The following SV2B variants were observed in gnomAD, a reference collection of about 807,000 sequenced individuals.
The protein encoded by SV2B is synaptic vesicle glycoprotein 2B.
A neutral mutation model predicts 73.9 loss-of-function variants in SV2B; 41 were observed. The observed-to-expected ratio is 0.56, with a 90% CI of 0.43 to 0.72. The LOEUF is 0.72. Ranked by LOEUF, SV2B falls within the 30% of genes least tolerant of loss-of-function variation. The probability of loss-of-function intolerance (pLI) is 0.00; values close to 1 mark genes in which losing one functional copy is unlikely to be tolerated. For missense variants in SV2B, 764 were observed against 857.8 expected, an observed-to-expected ratio of 0.89 and a Z score of 1.37; for synonymous variants, 314 against 314.2, an observed-to-expected ratio of 1.00 and a Z score of 0.01.
chr15:91,254,368 C>A (rs143919303), intron 4 of SV2B, among the ~76,000 whole-genome samples: 1 of 151,926 alleles, frequency 6.6e-6, no homozygotes, highest in African/African-American at 2.4e-5. Flanking sequence ...ACCCAAGTAG[C>A]TGGGATTACA....
At position 91,295,404 on chromosome 15, in the gene SV2B, C is replaced by G. The variant is rs137865001; in HGVS notation, c.*2852C>G. ...CATTAAAACTAAATAATAAAAATAACTGTAAGAAAACCTTAAGGACTGGGG... is the reference window on the plus strand; with the variant it reads ...CATTAAAACTAAATAATAAAAATAAGTGTAAGAAAACCTTAAGGACTGGGG... On this transcript the variant is annotated 3_prime_UTR_variant, in exon 13 of 13. Transcript: ENST00000394232. 1 of 152,198 alleles carries G rather than the reference C, an allele frequency of 6.6e-6. No individual in the cohort carries two copies. Among genetic ancestry groups the G allele is most frequent in the African/African-American group, 2.4e-5 (1 of 41,442 alleles). The allele number at this position is 152,198 out of a possible 1,614,324, so 9.4% of individuals were successfully genotyped here. A position where few individuals can be genotyped will look rare whatever the true frequency, so the allele number is the denominator to read the frequency against.
rs1371885910 is a variant in SV2B at position 91,295,642 on chromosome 15, A to G, written c.*3090A>G. 6.6e-6 allele frequency: 1 copy of G among 152,216 alleles called. No homozygotes were observed. Among genetic ancestry groups the G allele is most frequent in the Non-Finnish European group, 1.5e-5 (1 of 68,042 alleles). The allele number at this position is 152,216 out of a possible 1,614,324, so 9.4% of individuals were successfully genotyped here. A position where few individuals can be genotyped will look rare whatever the true frequency, so the allele number is the denominator to read the frequency against. On this transcript the variant is annotated 3_prime_UTR_variant, in exon 13 of 13. Coordinates refer to ENST00000394232, the MANE Select transcript of SV2B (RefSeq NM_001323032.3). ...TCATGACAGTTCTGGGGAAGCCTGC[A>G]GTTTGGGGAATGGGACAATGTGACA...
chr15:91,221,693 G>GCGCGCGCGCGCGCACACACACACA (rs370290337), intron 1 of SV2B, among the ~76,000 whole-genome samples: 2 of 140,068 alleles, frequency 1.4e-5, no homozygotes, highest in African/African-American at 5.6e-5. Context: ...AAGCATGTGC[G>GCGCGCGCGCGCGCACACACACACA]CACACACACA....
chr15:91,153,405 C>A lies in SV2B; in HGVS notation c.-392+53042C>A, dbSNP rs112468294. Among the ~76,000 whole-genome samples, 872 of 152,264 alleles carry A rather than the reference C, an allele frequency of 5.7e-3. 11 individuals are homozygous for A. Among genetic ancestry groups the A allele is most frequent in the African/African-American group, 0.02 (823 of 41,556 alleles). On this transcript the variant is annotated intron_variant, in intron 1 of 12. Transcript: ENST00000394232. Reference sequence around the variant, plus strand: ...AGCTCTGGCTGCTCGGCCACAGGCTCAGGATGGAATCAGGTGCCACCACGT... The same window carrying A: ...AGCTCTGGCTGCTCGGCCACAGGCTAAGGATGGAATCAGGTGCCACCACGT...
At chr15:91,157,579 T>C (rs2043535108) in intron 1 of SV2B, among the ~76,000 whole-genome samples, 1 of 152,238 alleles carries the variant, frequency 6.6e-6, no homozygotes, top group Non-Finnish European at 1.5e-5. Flanking sequence ...TTAAGCTCTT[T>C]GCACATTCTA....
Position 91,288,634 on chromosome 15 carries a change from CTTCT to C in SV2B, c.1709-878_1709-875del, listed in dbSNP as rs1353577108. 1.3e-5 allele frequency among the ~76,000 whole-genome samples: 2 copies of C among 151,610 alleles called. No individual in the cohort carries two copies. Among genetic ancestry groups the C allele is most frequent in the African/African-American group, 2.4e-5 (1 of 41,250 alleles). On this transcript the variant is annotated intron_variant, in intron 11 of 12. Transcript: ENST00000394232. The surrounding 1 kb of genome is among the most constrained non-coding windows in gnomAD (Gnocchi z 5.8). ...CTCCTTCCTCTCTCTCTCTTTCTCT[CTTCT>C]TTCTTTCTCTCTCTCTCTCTCCTTC...
chr15:91,235,482 C>G (rs1023714187), intron 2 of SV2B, among the ~76,000 whole-genome samples: 3 of 152,076 alleles, frequency 2.0e-5, no homozygotes, highest in African/African-American at 7.2e-5. Context: ...ACCACCTAGC[C>G]AGCCAACCAA....
At position 91,124,096 on chromosome 15, in the gene SV2B, A is replaced by G. The variant is rs1468441364; in HGVS notation, c.-392+23733A>G. ...ATTATGGGAAAATCATCCTGGGTAA[A>G]CACCAAGGTGGGCAAACTGTGTTTT... On this transcript the variant is annotated intron_variant, in intron 1 of 12. Coordinates refer to ENST00000394232, the MANE Select transcript of SV2B (RefSeq NM_001323032.3). This position sits in a 1 kb window ranked among gnomAD's most constrained non-coding sequence, Gnocchi z 4.6. 6.6e-6 allele frequency among the ~76,000 whole-genome samples: 1 copy of G among 152,174 alleles called. No individual in the cohort carries two copies. The highest frequency in any genetic ancestry group is 1.9e-4 in the East Asian group (1 of 5,194).
intron 1 of SV2B, among the ~76,000 whole-genome samples, chr15:91,170,033 G>T (rs1033522212): frequency 6.6e-6 from 1 of 152,114 alleles, no homozygotes; most frequent in Non-Finnish European, 1.5e-5. Context: ...TTAGCCCAGG[G>T]ATTTTATTTT....
At position 91,266,627 on chromosome 15, in the gene SV2B, A is replaced by T; in HGVS notation, c.1054A>T (p.Ile352Phe). Residue 352 changes from isoleucine to phenylalanine, a missense_variant, in exon 7 of 13, where the codon ATC becomes TTC. By Grantham distance (21) the Ile-to-Phe change is conservative (BLOSUM62 0). Coordinates refer to ENST00000394232, the MANE Select transcript of SV2B (RefSeq NM_001323032.3). Reference protein sequence around the residue: ...TPKQMDEFIEIQSSTGTWYQR... With the variant: ...TPKQMDEFIEFQSSTGTWYQR... ...CAAGCAAATGGATGAATTCATTGAG[A>T]TCCAAAGTTCAACAGGAACCTGGTA... 6.2e-7 allele frequency: 1 copy of T among 1,614,202 alleles called. No individual in the cohort carries two copies. Among genetic ancestry groups the T allele is most frequent in the Non-Finnish European group, 8.5e-7 (1 of 1,180,020 alleles).
chr15:91,163,087 A>G (rs1283581576), intron 1 of SV2B, among the ~76,000 whole-genome samples: 1 of 152,170 alleles, frequency 6.6e-6, no homozygotes, highest in Non-Finnish European at 1.5e-5. Context: ...TACAAAGTAC[A>G]TGAACTCATC....
At chr15:91,131,213 C>T (rs1371295983) in intron 1 of SV2B, among the ~76,000 whole-genome samples, 4 of 138,418 alleles carry the variant, frequency 2.9e-5, no homozygotes, top group African/African-American at 1.1e-4. Context: ...TAGTCTTGAA[C>T]TCCTGGGCTC....
rs535785820 is a variant in SV2B, at chr15:91,189,193, T to C, written c.-391-36680T>C. On this transcript the variant is annotated intron_variant, in intron 1 of 12. Coordinates refer to ENST00000394232, the MANE Select transcript of SV2B (RefSeq NM_001323032.3). Reference sequence around the variant, plus strand: ...TTCCACCTCTTACTTTTTTATAGACTACATTTTGTTCATGGCACACTGTCA... The same window carrying C: ...TTCCACCTCTTACTTTTTTATAGACCACATTTTGTTCATGGCACACTGTCA... Among the ~76,000 whole-genome samples the C allele has an allele frequency of 2.1e-4, 32 of 152,210 alleles. 1 individual carries two copies. The highest frequency in any genetic ancestry group is 7.2e-4 in the African/African-American group (30 of 41,528).
At chr15:91,145,238 A>T (rs1459220100) in intron 1 of SV2B, among the ~76,000 whole-genome samples, 1 of 152,112 alleles carries the variant, frequency 6.6e-6, no homozygotes, top group Admixed American at 6.6e-5. Context: ...GAGAATATGC[A>T]ATATTTGGTT....
At chr15:91,181,028 C>A (rs2044533180) in intron 1 of SV2B, among the ~76,000 whole-genome samples, 2 of 152,114 alleles carry the variant, frequency 1.3e-5, no homozygotes, top group Admixed American at 1.3e-4. Context: ...GTGGTTTTAT[C>A]TACTTTTGGT....
intron 1 of SV2B, among the ~76,000 whole-genome samples, chr15:91,218,314 TC>T (rs2141454609): frequency 6.6e-6 from 1 of 152,326 alleles, no homozygotes; most frequent in East Asian, 1.9e-4. Flanking sequence ...GATATTCTTT[TC>T]CTGTGGGTAT....
intron 1 of SV2B, among the ~76,000 whole-genome samples, chr15:91,178,517 G>A (rs2044415540): frequency 6.6e-6 from 1 of 152,176 alleles, no homozygotes. Context: ...GAATCCATCT[G>A]GTCCTGGACT....
chr15:91,248,998 A>C (rs1037836146), intron 2 of SV2B, among the ~76,000 whole-genome samples: 2 of 151,848 alleles, frequency 1.3e-5, no homozygotes, highest in African/African-American at 4.8e-5. Context: ...TTATGGGCCC[A>C]TACACATACA....
rs1157911052 is a variant in SV2B, at chr15:91,290,111, C to G, written c.1868+431C>G. Among the ~76,000 whole-genome samples, 2 of 152,126 alleles carry G rather than the reference C, an allele frequency of 1.3e-5. No individual in the cohort carries two copies. Among genetic ancestry groups the G allele is most frequent in the African/African-American group, 2.4e-5 (1 of 41,406 alleles). Reference sequence around the variant, plus strand: ...TCCAGGGAATCTGCAGAGAATGTGGCAGGGAGGCCCAGGGGTTACTTTTAT... The same window carrying G: ...TCCAGGGAATCTGCAGAGAATGTGGGAGGGAGGCCCAGGGGTTACTTTTAT... On this transcript the variant is annotated intron_variant, in intron 12 of 12. Coordinates refer to ENST00000394232, the MANE Select transcript of SV2B (RefSeq NM_001323032.3). The surrounding 1 kb of genome is among the most constrained non-coding windows in gnomAD (Gnocchi z 4.7).
Sources: gnomAD v4.1 joint callset for allele counts (sites outside exome capture counted in the v4.1 genomes callset) on GRCh38, gnomAD v4.1.1 for gene constraint, Gnocchi (gnomAD v3.1) non-coding constraint, MANE v1.5 for transcripts, NCBI Gene and HGNC (gene_info 2026-07-23, HGNC 2026-07-21) for gene names.